Variants in FNDC3A observed in about 807,000 individuals in gnomAD.
The protein encoded by FNDC3A is fibronectin type-III domain-containing protein 3A.
A neutral mutation model predicts 148.9 loss-of-function variants in FNDC3A; 32 were observed. The ratio of observed to expected loss-of-function variants is 0.21; its 90% CI spans 0.16 to 0.29. The LOEUF is 0.29. Ranked by LOEUF, FNDC3A falls within the 10% of genes least tolerant of loss-of-function variation. The probability of loss-of-function intolerance (pLI) is 1.00; values close to 1 mark genes in which losing one functional copy is unlikely to be tolerated. For missense variants in FNDC3A, 1,191 were observed against 1,452.8 expected (o/e 0.82, Z 2.93); for synonymous variants, 472 against 473.6 (o/e 1.00, Z 0.04).
intron 17 of FNDC3A, among the ~76,000 whole-genome samples, chr13:49,190,265 C>T (rs1885817362): frequency 6.6e-6 from 1 of 152,128 alleles, no homozygotes; most frequent in South Asian, 2.1e-4. Context: ...AAACTAAAAG[C>T]AGTATCAAAT....
intron 3 of FNDC3A, among the ~76,000 whole-genome samples, chr13:49,092,326 G>A (rs1879241478): frequency 6.6e-6 from 1 of 152,216 alleles, no homozygotes; most frequent in African/African-American, 2.4e-5. Context: ...AGGCCCACTA[G>A]GCATTGTGCC....
chr13:49,083,533 C>A (rs1878614523), intron 3 of FNDC3A, among the ~76,000 whole-genome samples: 1 of 151,748 alleles, frequency 6.6e-6, no homozygotes, highest in Non-Finnish European at 1.5e-5. Context: ...CTGGGATTGT[C>A]CCAAGGAAGA....
At position 49,114,659 on chromosome 13, in the gene FNDC3A, T is replaced by A; in HGVS notation, c.180T>A (p.Pro60=). The change falls in exon 4 of 26, where the codon CCT becomes CCA. Residue 60 remains proline, a synonymous_variant. Coordinates refer to ENST00000492622, the MANE Select transcript of FNDC3A (RefSeq NM_001079673.2). ...TCATTTATGTGACCCATTCAGGTCC[T>A]GCTCAGGTTCCAATGATGTCCCCAA... ...EDGQFQCITG[P]AQVPMMSPNG... is the part of the protein sequence containing the mutation. 6.2e-7 allele frequency: 1 copy of A among 1,610,938 alleles called. No individual in the cohort carries two copies.
At chr13:49,092,192 G>A (rs1879234904) in intron 3 of FNDC3A, among the ~76,000 whole-genome samples, 1 of 152,212 alleles carries the variant, frequency 6.6e-6, no homozygotes, top group Non-Finnish European at 1.5e-5. Context: ...ACAGCAGCCT[G>A]GACCTGTTGC....
chr13:49,174,337 A>G, intron 11 of FNDC3A, 98 bp from the exon 12 acceptor site: 1 of 929,756 alleles, frequency 1.1e-6, no homozygotes, highest in Admixed American at 2.1e-5. Flanking sequence ...GACTTTTAGT[A>G]TACACTTGCT....
At chr13:49,200,496 A>G (rs1442212629) in intron 23 of FNDC3A, among the ~76,000 whole-genome samples, 1 of 152,010 alleles carries the variant, frequency 6.6e-6, no homozygotes, top group East Asian at 1.9e-4. Context: ...AATATATGTT[A>G]TTATTACTGG....
chr13:49,019,075 C>G (rs1593478655), intron 2 of FNDC3A, among the ~76,000 whole-genome samples: 1 of 152,370 alleles, frequency 6.6e-6, no homozygotes, highest in South Asian at 2.1e-4. Flanking sequence ...GCCCTGCCCC[C>G]AGAGGTGGAG....
At chr13:49,162,494 A>T (rs529025766) in intron 8 of FNDC3A, among the ~76,000 whole-genome samples, 1 of 152,282 alleles carries the variant, frequency 6.6e-6, no homozygotes, top group African/African-American at 2.4e-5. Context: ...TGTATATTCT[A>T]GTTAGCCATT....
chr13:49,086,828 G>A (rs190291999), intron 3 of FNDC3A, among the ~76,000 whole-genome samples: 262 of 152,190 alleles, frequency 1.7e-3, no homozygotes, highest in African/African-American at 6.1e-3. Context: ...GAAAACATCA[G>A]TTTAATTAGA....
At chr13:49,149,315 C>A (rs1883162124) in intron 8 of FNDC3A, among the ~76,000 whole-genome samples, 1 of 151,998 alleles carries the variant, frequency 6.6e-6, no homozygotes, top group Admixed American at 6.5e-5. Context: ...TTTCCCCTTT[C>A]TGTATGATGT....
At chr13:49,000,459 C>T (rs1952105394) in intron 1 of FNDC3A, among the ~76,000 whole-genome samples, 1 of 152,212 alleles carries the variant, frequency 6.6e-6, no homozygotes, top group Non-Finnish European at 1.5e-5. Flanking sequence ...TATGCCAGTA[C>T]CACACTGTTT....
chr13:49,187,738 G>T, intron 16 of FNDC3A: 1 of 1,054,230 alleles, frequency 9.5e-7, no homozygotes, highest in Non-Finnish European at 1.4e-6. Flanking sequence ...ACCTCACCAA[G>T]ACCTTTTTTT....
chr13:49,105,275 ATG>A (rs1880103586), intron 3 of FNDC3A, among the ~76,000 whole-genome samples: 1 of 152,208 alleles, frequency 6.6e-6, no homozygotes, highest in South Asian at 2.1e-4. Flanking sequence ...CGGGAAAACT[ATG>A]TGGCACTATC....
chr13:49,142,818 T>G (rs558169581), intron 7 of FNDC3A, among the ~76,000 whole-genome samples: 3 of 152,346 alleles, frequency 2.0e-5, no homozygotes, highest in African/African-American at 7.2e-5. Context: ...TATCCCAATG[T>G]AGTCACTCTT....
intron 19 of FNDC3A, among the ~76,000 whole-genome samples, chr13:49,195,093 G>A (rs931893125): frequency 2.6e-5 from 4 of 152,092 alleles, no homozygotes; most frequent in Admixed American, 6.6e-5. Context: ...TTCAAGAGCC[G>A]TATTAGTTGT....
Position 49,187,103 on chromosome 13 carries a change from A to G in FNDC3A, c.1757-19A>G, listed in dbSNP as rs537121521. 8.8e-6 allele frequency: 14 copies of G among 1,590,274 alleles called. No individual in the cohort carries two copies. The highest frequency in any genetic ancestry group is 1.2e-5 in the Non-Finnish European group (14 of 1,160,950). ...GTTGTTTTGTACCTTGCCTAATACT[A>G]CTTTGCTTCTTTGGATAGATCCACC... On this transcript the variant is annotated intron_variant, in intron 15 of 25. Coordinates refer to ENST00000492622, the MANE Select transcript of FNDC3A (RefSeq NM_001079673.2).
intron 17 of FNDC3A, 132 bp downstream of exon 17, chr13:49,188,765 T>C: frequency 1.5e-6 from 1 of 676,170 alleles, no homozygotes; most frequent in Admixed American, 2.3e-5. Flanking sequence ...CCTGTTGGGT[T>C]AATTTGATAG....
chr13:49,203,378 T>C, intron 25 of FNDC3A, 94 bp downstream of exon 25: 1 of 856,060 alleles, frequency 1.2e-6, no homozygotes, highest in East Asian at 2.5e-5. Flanking sequence ...CTTTACCTTT[T>C]AATTCATAAA....
At chr13:49,104,163 TC>T (rs1233403665) in intron 3 of FNDC3A, among the ~76,000 whole-genome samples, 1 of 152,216 alleles carries the variant, frequency 6.6e-6, no homozygotes, top group Non-Finnish European at 1.5e-5. Context: ...AAGAATTTCA[TC>T]TCAGTGACTT....
Sources: allele counts gnomAD v4.1 joint callset (sites outside exome capture counted in the v4.1 genomes callset), GRCh38; gene constraint gnomAD v4.1.1; transcripts MANE v1.5; gene names NCBI Gene and HGNC (gene_info 2026-07-23, HGNC 2026-07-21).